Variants in ACBD6 observed in about 807,000 individuals in gnomAD.
ACBD6 encodes the protein acyl-CoA binding domain containing 6, also known as acyl-CoA-binding domain-containing protein 6.
A neutral mutation model predicts 37.2 loss-of-function variants in ACBD6; 28 were observed. The ratio of observed to expected loss-of-function variants is 0.75; its 90% CI spans 0.56 to 1.03. The LOEUF is 1.03. Ranked by LOEUF, ACBD6 falls within the 50% of genes least tolerant of loss-of-function variation. The pLI is 0.00. For missense variants in ACBD6, 340 were observed against 337.4 expected (o/e 1.01, Z -0.06); for synonymous variants, 113 against 126.8 (o/e 0.89, Z 0.73).
chr1:180,455,352 C>G (rs927100513), intron 3 of ACBD6, among the ~76,000 whole-genome samples: 83 of 151,694 alleles, frequency 5.5e-4, no homozygotes, highest in Non-Finnish European at 1.9e-4. Flanking sequence ...AGGGGAACAT[C>G]ACACACCAGG....
chr1:180,281,669 T>G (rs1460666720), intron 8 of ACBD6, among the ~76,000 whole-genome samples: 1 of 152,142 alleles, frequency 6.6e-6, no homozygotes, highest in African/African-American at 2.4e-5. Flanking sequence ...GGAGCACTGA[T>G]CAAGCTCTGT....
At chr1:180,487,021 G>GA (rs113671368) in intron 3 of ACBD6, among the ~76,000 whole-genome samples, 27 of 150,004 alleles carry the variant, frequency 1.8e-4, no homozygotes, top group South Asian at 1.5e-3. Context: ...GCAAGAAAGG[G>GA]AAAAAAAAAT....
chr1:180,383,347 A>G (rs1183211613), intron 6 of ACBD6, among the ~76,000 whole-genome samples: 2 of 152,232 alleles, frequency 1.3e-5, no homozygotes, highest in Non-Finnish European at 2.9e-5. Flanking sequence ...GTCGAGTTGA[A>G]TACAAAATCA....
rs1422795528 is a variant in ACBD6, at chr1:180,374,867, T to G, written c.663+22649A>C. ...AAAAACTTAAAAACAGTAAACATTT[T>G]ATAGCAAAAATATTAAACATTTAAG... is the stretch of plus-strand genomic sequence containing the variant. On this transcript the variant is annotated intron_variant, in intron 6 of 7. Transcript: ENST00000367595. Among the ~76,000 whole-genome samples the G allele has an allele frequency of 2.0e-5, 3 of 152,232 alleles. No individual in the cohort carries two copies. In the South Asian group the frequency reaches 6.2e-4, roughly 32 times the overall value.
chr1:180,297,538 C>G (rs1001964372), intron 7 of ACBD6, among the ~76,000 whole-genome samples: 1 of 152,144 alleles, frequency 6.6e-6, no homozygotes. Flanking sequence ...ATTGCCTGTT[C>G]CAACCCCAGG....
At chr1:180,378,505 G>T (rs1198580486) in intron 6 of ACBD6, among the ~76,000 whole-genome samples, 2 of 152,180 alleles carry the variant, frequency 1.3e-5, no homozygotes, top group Non-Finnish European at 2.9e-5. Flanking sequence ...GGTTATACAA[G>T]AAGTTAATTA....
At chr1:180,271,925 A>T in exon 14 of ACBD6, 1 of 1,613,426 alleles carries the variant, frequency 6.2e-7, no homozygotes, top group Non-Finnish European at 8.5e-7. Context: ...GAGCGTCAAG[A>T]GGAGCCGGGG....
At chr1:180,426,489 G>T (rs1241166846) in intron 4 of ACBD6, among the ~76,000 whole-genome samples, 1 of 152,158 alleles carries the variant, frequency 6.6e-6, no homozygotes, top group Admixed American at 6.5e-5. Context: ...CGGTATAAAT[G>T]AAAAACAGCT....
intron 3 of ACBD6, among the ~76,000 whole-genome samples, chr1:180,480,265 T>C (rs1337662912): frequency 8.3e-6 from 1 of 120,674 alleles, no homozygotes; most frequent in Non-Finnish European, 2.0e-5. Flanking sequence ...ACAAGGAGAA[T>C]ACAGGAGGCA....
intron 6 of ACBD6, among the ~76,000 whole-genome samples, chr1:180,332,296 C>T (rs753155822): frequency 1.8e-4 from 27 of 152,208 alleles, no homozygotes; most frequent in Non-Finnish European, 3.5e-4. Context: ...ATTTGTTCCC[C>T]TTCCCCACTA....
At chr1:180,313,869 A>C (rs1442044520) in intron 7 of ACBD6, among the ~76,000 whole-genome samples, 3 of 152,158 alleles carry the variant, frequency 2.0e-5, no homozygotes, top group Non-Finnish European at 4.4e-5. Context: ...AGGACTTTAC[A>C]TTTTACAAAA....
intron 3 of ACBD6, among the ~76,000 whole-genome samples, chr1:180,464,772 C>G (rs1328617170): frequency 6.6e-6 from 1 of 152,026 alleles, no homozygotes; most frequent in African/African-American, 2.4e-5. Flanking sequence ...ATCACATTAC[C>G]CAACTTGAAA....
intron 5 of ACBD6, among the ~76,000 whole-genome samples, chr1:180,407,269 T>A (rs570146506): frequency 3.3e-5 from 5 of 152,208 alleles, no homozygotes; most frequent in African/African-American, 1.2e-4. Context: ...AAGCACTTCA[T>A]CTGTTCATGA....
At chr1:180,318,175 C>CCCCCCCAA (rs10632390) in intron 6 of ACBD6, among the ~76,000 whole-genome samples, 1 of 102,750 alleles carries the variant, frequency 9.7e-6, no homozygotes, top group African/African-American at 3.5e-5. Flanking sequence ...CCCCCCCCCC[C>CCCCCCCAA]AAAAAAAAAA....
At chr1:180,494,314 GA>G (rs1651641187) in intron 2 of ACBD6, among the ~76,000 whole-genome samples, 1 of 151,814 alleles carries the variant, frequency 6.6e-6, no homozygotes, top group African/African-American at 2.4e-5. Context: ...GCAAAGCACA[GA>G]AAAAAATAAA....
chr1:180,300,507 ATTAAAC>A (rs1274744366), intron 7 of ACBD6, among the ~76,000 whole-genome samples: 2 of 152,200 alleles, frequency 1.3e-5, no homozygotes, highest in African/African-American at 4.8e-5. Context: ...GTGATTACGA[ATTAAAC>A]TTAAAATAGT....
At chr1:180,435,138 G>C (rs973709375) in intron 3 of ACBD6, 1 of 721,068 alleles carries the variant, frequency 1.4e-6, no homozygotes, top group African/African-American at 1.7e-5. Context: ...AATCAAGACA[G>C]GGTACAAGCA....
chr1:180,442,289 G>A (rs1042233242), intron 3 of ACBD6, among the ~76,000 whole-genome samples: 1 of 144,862 alleles, frequency 6.9e-6, no homozygotes, highest in African/African-American at 2.7e-5. Flanking sequence ...TCAACTAGGG[G>A]CACTTTTTTT....
chr1:180,276,746 T>C (rs954298194), intron 9 of ACBD6: 3 of 151,910 alleles, frequency 2.0e-5, no homozygotes, highest in African/African-American at 7.2e-5. Context: ...CTGTTGCAGG[T>C]TGACTATTTG....
Sources: allele counts gnomAD v4.1 joint callset (sites outside exome capture counted in the v4.1 genomes callset), GRCh38; gene constraint gnomAD v4.1.1; transcripts MANE v1.5; gene names NCBI Gene and HGNC (gene_info 2026-07-23, HGNC 2026-07-21).